The following ARL6IP5 variants were observed in gnomAD, a reference collection of about 807,000 sequenced individuals.
ARL6IP5 encodes the protein PRA1 family protein 3.
In ARL6IP5, 6 loss-of-function variants were observed where a neutral mutation model predicts 13.0. The ratio of observed to expected loss-of-function variants is 0.46; its 90% CI spans 0.25 to 0.91. ARL6IP5 has a LOEUF of 0.91. ARL6IP5 is among the 40% of genes least tolerant of loss of function. The probability of loss-of-function intolerance (pLI) is 0.17; values close to 1 mark genes in which losing one functional copy is unlikely to be tolerated. For synonymous variants in ARL6IP5, 91 were observed against 91.9 expected (o/e 0.99, Z 0.06); for missense variants, 208 against 248.8 (o/e 0.84, Z 1.10).
chr3:69,091,525 G>C (rs2092266972), intron 1 of ARL6IP5, among the ~76,000 whole-genome samples: 1 of 152,024 alleles, frequency 6.6e-6, no homozygotes, highest in Admixed American at 6.6e-5. Flanking sequence ...TCGAACTCCT[G>C]GGCTCAAGCA....
chr3:69,094,690 T>C (rs1169316211), intron 1 of ARL6IP5, among the ~76,000 whole-genome samples: 1 of 152,240 alleles, frequency 6.6e-6, no homozygotes, highest in African/African-American at 2.4e-5. Context: ...TGGTTCTTTT[T>C]GGCCTTGCAG....
At chr3:69,089,096 A>G (rs2092256977) in intron 1 of ARL6IP5, among the ~76,000 whole-genome samples, 1 of 152,218 alleles carries the variant, frequency 6.6e-6, no homozygotes, top group South Asian at 2.1e-4. Flanking sequence ...CATTTTAACA[A>G]AAGTCTCAGA....
intron 1 of ARL6IP5, among the ~76,000 whole-genome samples, chr3:69,088,507 T>G (rs949537270): frequency 6.6e-5 from 10 of 152,156 alleles, no homozygotes; most frequent in African/African-American, 1.9e-4. Flanking sequence ...TCTTCAAGAT[T>G]TCAGGAAGGG....
At chr3:69,099,516 A>C (rs1303623467) in intron 1 of ARL6IP5, among the ~76,000 whole-genome samples, 1 of 152,122 alleles carries the variant, frequency 6.6e-6, no homozygotes, top group African/African-American at 2.4e-5. Flanking sequence ...AAAAGCTTTT[A>C]CTCTTAATTT....
At chr3:69,100,796 A>G (rs543129758) in intron 1 of ARL6IP5, among the ~76,000 whole-genome samples, 3 of 152,066 alleles carry the variant, frequency 2.0e-5, no homozygotes, top group East Asian at 1.9e-4. Flanking sequence ...AAAAAAAAAA[A>G]AAAAGAAAAA....
intron 1 of ARL6IP5, among the ~76,000 whole-genome samples, chr3:69,101,076 A>G (rs2092303861): frequency 1.3e-5 from 2 of 152,110 alleles, no homozygotes; most frequent in South Asian, 4.1e-4. Flanking sequence ...ATGTGACTGT[A>G]TACTGGATCT....
At chr3:69,085,921 C>A (rs991223414) in intron 1 of ARL6IP5, among the ~76,000 whole-genome samples, 4 of 152,204 alleles carry the variant, frequency 2.6e-5, no homozygotes, top group African/African-American at 9.7e-5. Context: ...ATACCTGATA[C>A]TTAACAAAGT....
At chr3:69,090,049 T>G (rs758482464) in intron 1 of ARL6IP5, 21 of 347,760 alleles carry the variant, frequency 6.0e-5, no homozygotes, top group African/African-American at 1.7e-4. Context: ...GGTGGCTCTG[T>G]AATATGTTCT....
intron 2 of ARL6IP5, 138 bp downstream of exon 2, chr3:69,102,194 T>C: frequency 1.1e-6 from 1 of 889,152 alleles, no homozygotes; most frequent in Admixed American, 2.3e-5. Context: ...GCTTTCTACT[T>C]GTTATCCAAC....
intron 1 of ARL6IP5, among the ~76,000 whole-genome samples, chr3:69,087,702 G>A (rs1025209951): frequency 6.6e-6 from 1 of 152,132 alleles, no homozygotes; most frequent in African/African-American, 2.4e-5. Context: ...AAGAGTTGTT[G>A]GTTGTCAATG....
intron 1 of ARL6IP5, among the ~76,000 whole-genome samples, chr3:69,096,328 G>A (rs1408964040): frequency 6.6e-6 from 1 of 152,106 alleles, no homozygotes; most frequent in Non-Finnish European, 1.5e-5. Flanking sequence ...ATTTTTCATT[G>A]TTCCTTGTCC....
At position 69,096,907 on chromosome 3, in the gene ARL6IP5, T is replaced by C. The variant is rs536906810; in HGVS notation, c.177-4932T>C. On this transcript the variant is annotated intron_variant, in intron 1 of 2. Transcript: ENST00000273258. ...GTGAGCCACTGTACCTGGCGATCTT[T>C]GTTTTTCTTTACGGCTCAGAAGAAA... Among the ~76,000 whole-genome samples, 22 of 152,274 alleles carry C rather than the reference T, an allele frequency of 1.4e-4. No homozygotes were observed. The South Asian group carries it at 4.6e-3, about 32-fold the overall frequency.
intron 1 of ARL6IP5, among the ~76,000 whole-genome samples, chr3:69,093,643 TC>T (rs1320171425): frequency 1.3e-5 from 2 of 151,710 alleles, no homozygotes; most frequent in Admixed American, 6.6e-5. Flanking sequence ...CATGCTTTAA[TC>T]CCAGCTACTG....
chr3:69,104,502 A>G lies in ARL6IP5; in HGVS notation c.433A>G (p.Lys145Glu). 4.3e-6 allele frequency: 7 copies of G among 1,614,054 alleles called. No individual in the cohort carries two copies. Among genetic ancestry groups the G allele is most frequent in the African/African-American group, 1.3e-5 (1 of 75,026 alleles). ...TGCATCGTTGAGACTTCGGAACCTC[A>G]AGAACAAACTGGAGAATAAAATGGA... The part of the protein sequence containing the change: ...IHASLRLRNL[K>E]NKLENKMEGI... The change falls in exon 3 of 3, where the codon AAG becomes GAG. Residue 145 changes from lysine to glutamate, a missense_variant. Physicochemically the swap from Lys to Glu is moderately conservative, Grantham distance 56. Coordinates refer to ENST00000273258, the MANE Select transcript of ARL6IP5 (RefSeq NM_006407.4).
At chr3:69,097,874 G>T (rs964303503) in intron 1 of ARL6IP5, among the ~76,000 whole-genome samples, 3 of 152,264 alleles carry the variant, frequency 2.0e-5, no homozygotes, top group African/African-American at 7.2e-5. Flanking sequence ...ATTGGAGAAG[G>T]AACAGCTTCG....
At chr3:69,095,442 G>A (rs1386378619) in intron 1 of ARL6IP5, among the ~76,000 whole-genome samples, 4 of 150,612 alleles carry the variant, frequency 2.7e-5, no homozygotes, top group East Asian at 1.9e-4. Flanking sequence ...AAAACATAAC[G>A]GTTTTTGAGT....
chr3:69,104,893 T>C lies in ARL6IP5; in HGVS notation c.*257T>C, dbSNP rs1450043542. Reference sequence around the variant, plus strand: ...TTTATGAAATCTAATGGGAAATGGATCACACGATTTCTTTAAGGGAATTAA... The same window carrying C: ...TTTATGAAATCTAATGGGAAATGGACCACACGATTTCTTTAAGGGAATTAA... On this transcript the variant is annotated 3_prime_UTR_variant, in exon 3 of 3. Transcript: ENST00000273258. 1 of 702,386 alleles carries C rather than the reference T, an allele frequency of 1.4e-6. No individual in the cohort carries two copies. The highest frequency in any genetic ancestry group is 2.6e-6 in the Non-Finnish European group (1 of 385,120). The allele number at this position is 702,386 out of a possible 1,614,324, so 43.5% of individuals were successfully genotyped here. A position where few individuals can be genotyped will look rare whatever the true frequency, so the allele number is the denominator to read the frequency against.
intron 1 of ARL6IP5, among the ~76,000 whole-genome samples, chr3:69,088,436 T>C (rs1431779653): frequency 6.6e-6 from 1 of 152,004 alleles, no homozygotes. Context: ...ATTGTAGGAG[T>C]GCTCTAGCCT....
chr3:69,091,307 A>T (rs1275513692), intron 1 of ARL6IP5, among the ~76,000 whole-genome samples: 1 of 152,058 alleles, frequency 6.6e-6, no homozygotes, highest in Non-Finnish European at 1.5e-5. Context: ...ATATATATAT[A>T]TTTTGAGACA....
Sources: gnomAD v4.1 joint callset for allele counts (sites outside exome capture counted in the v4.1 genomes callset) on GRCh38, gnomAD v4.1.1 for gene constraint, MANE v1.5 for transcripts, NCBI Gene and HGNC (gene_info 2026-07-23, HGNC 2026-07-21) for gene names.